CFAP299: variants seen among roughly 807,000 people sequenced by gnomAD.
CFAP299 encodes the protein cilia and flagella associated protein 299.
CFAP299 carries 21 observed loss-of-function variants against 27.0 expected under a neutral mutation model. The ratio of observed to expected loss-of-function variants is 0.78; its 90% CI spans 0.55 to 1.12. The LOEUF (loss-of-function observed/expected upper bound fraction) is 1.12, where lower values mean the gene tolerates loss of function less well. Among genes scored for constraint, CFAP299 ranks in the 50% most tolerant of loss-of-function variants. The probability of loss-of-function intolerance (pLI) is 0.00; values close to 1 mark genes in which losing one functional copy is unlikely to be tolerated. For missense variants in CFAP299, 310 were observed against 276.6 expected, an observed-to-expected ratio of 1.12 and a Z score of -0.86; for synonymous variants, 104 against 98.1, an observed-to-expected ratio of 1.06 and a Z score of -0.36.
chr4:80,489,976 C>A (rs1313335942), intron 2 of CFAP299, among the ~76,000 whole-genome samples: 1 of 152,010 alleles, frequency 6.6e-6, no homozygotes, highest in Non-Finnish European at 1.5e-5. Context: ...TTATAACTCC[C>A]GTGTCAAATT....
intron 3 of CFAP299, among the ~76,000 whole-genome samples, chr4:80,656,565 T>C (rs907812557): frequency 1.3e-5 from 2 of 152,220 alleles, no homozygotes; most frequent in African/African-American, 2.4e-5. Flanking sequence ...TCATCCTTTT[T>C]TATGGCTGCA....
At chr4:80,746,788 A>G (rs1395351701) in intron 3 of CFAP299, among the ~76,000 whole-genome samples, 1 of 152,060 alleles carries the variant, frequency 6.6e-6, no homozygotes, top group Non-Finnish European at 1.5e-5. Context: ...AGTAAGAGAT[A>G]TTATATAATC....
intron 2 of CFAP299, among the ~76,000 whole-genome samples, chr4:80,459,805 A>G (rs992135327): frequency 2.0e-5 from 3 of 152,142 alleles, no homozygotes; most frequent in Non-Finnish European, 2.9e-5. Context: ...TGTGGCTTCC[A>G]AAAGAGCAGG....
rs192605534 is a variant in CFAP299, at chr4:80,499,962, A to C, written c.243-83131A>C. Among the ~76,000 whole-genome samples the C allele has an allele frequency of 4.2e-3, 590 of 141,866 alleles. 1 individual carries two copies. Among genetic ancestry groups the C allele is most frequent in the Middle Eastern group, 0.019 (5 of 268 alleles). 93.1% of individuals were successfully genotyped at this position (141,866 alleles called of 152,430 possible). ...AATTTAGAAACCTACTTATTTTATT[A>C]ACTTCATTTTTTTTTTGTTTGTTTG... On this transcript the variant is annotated intron_variant, in intron 2 of 5. Transcript: ENST00000358105.
intron 2 of CFAP299, among the ~76,000 whole-genome samples, chr4:80,390,747 A>G (rs1316396088): frequency 1.4e-5 from 2 of 141,538 alleles, no homozygotes; most frequent in Non-Finnish European, 3.1e-5. Flanking sequence ...ATATATGTAT[A>G]TATACACACA....
At chr4:80,344,675 C>A (rs748486563) in intron 1 of CFAP299, among the ~76,000 whole-genome samples, 2 of 152,122 alleles carry the variant, frequency 1.3e-5, no homozygotes, top group Non-Finnish European at 2.9e-5. Context: ...CATAACTTGG[C>A]AGATATACAA....
chr4:80,758,435 T>A (rs967466658), intron 3 of CFAP299, among the ~76,000 whole-genome samples: 6 of 152,074 alleles, frequency 3.9e-5, no homozygotes, highest in Non-Finnish European at 8.8e-5. Flanking sequence ...TGGGATTTTA[T>A]GGGCATAGGA....
chr4:80,498,108 T>C (rs1578518176), intron 2 of CFAP299, among the ~76,000 whole-genome samples: 1 of 152,152 alleles, frequency 6.6e-6, no homozygotes, highest in South Asian at 2.1e-4. Flanking sequence ...GATGGATTAA[T>C]GACTTAAATG....
chr4:80,941,008 A>G (rs1005159042), intron 4 of CFAP299, among the ~76,000 whole-genome samples: 2 of 152,196 alleles, frequency 1.3e-5, no homozygotes, highest in Non-Finnish European at 2.9e-5. Flanking sequence ...AGGGCCTCCC[A>G]TAGGTAGCAA....
At chr4:80,571,301 A>T (rs1330788476) in intron 2 of CFAP299, among the ~76,000 whole-genome samples, 1 of 152,070 alleles carries the variant, frequency 6.6e-6, no homozygotes, top group East Asian at 1.9e-4. Context: ...CTTTGCGGCA[A>T]GTTTCCTTGG....
intron 2 of CFAP299, among the ~76,000 whole-genome samples, chr4:80,483,440 ATTC>A (rs1296130565): frequency 6.6e-6 from 1 of 152,132 alleles, no homozygotes; most frequent in Non-Finnish European, 1.5e-5. Context: ...CTTATTTTTC[ATTC>A]TTATCATTGG....
intron 3 of CFAP299, among the ~76,000 whole-genome samples, chr4:80,715,181 C>A (rs1722408165): frequency 1.3e-5 from 2 of 152,066 alleles, no homozygotes; most frequent in Non-Finnish European, 2.9e-5. Context: ...ATGTTCTGAT[C>A]AATCCAAATT....
rs1003772728 is a variant in CFAP299 at position 80,524,841 on chromosome 4, C to T, written c.243-58252C>T. On this transcript the variant is annotated intron_variant, in intron 2 of 5. Coordinates refer to ENST00000358105, the MANE Select transcript of CFAP299 (RefSeq NM_152770.3). ...GTTTCTGTTGTCAGGATTCTGGGCA[C>T]AACTTAGCTGGTTCTCCTGCTGGTT... Among the ~76,000 whole-genome samples the T allele has an allele frequency of 5.3e-5, 8 of 152,256 alleles. 1 individual carries two copies. Among genetic ancestry groups the T allele is most frequent in the Admixed American group, 6.5e-5 (1 of 15,286 alleles).
rs553927361 is a variant in CFAP299 at position 80,849,214 on chromosome 4, T to G, written c.334-20779T>G. Among the ~76,000 whole-genome samples the G allele has an allele frequency of 8.5e-5, 13 of 152,274 alleles. No homozygotes were observed. The South Asian group carries it at 2.7e-3, about 32-fold the overall frequency. Reference sequence around the variant, plus strand: ...TTCTTTACTTTTTAAACTTTGTTGTTAAAAACTAACACAAAACTAGCCTAC... The same window carrying G: ...TTCTTTACTTTTTAAACTTTGTTGTGAAAAACTAACACAAAACTAGCCTAC... On this transcript the variant is annotated intron_variant, in intron 3 of 5. Transcript: ENST00000358105.
chr4:80,664,226 T>C (rs1018124807), intron 3 of CFAP299, among the ~76,000 whole-genome samples: 1 of 152,096 alleles, frequency 6.6e-6, no homozygotes, highest in African/African-American at 2.4e-5. Flanking sequence ...GGAGTTTTTT[T>C]ATACCCACTT....
At chr4:80,834,792 GTGCTTGTCATCGGTACT>G (rs1319898889) in intron 3 of CFAP299, among the ~76,000 whole-genome samples, 19 of 152,244 alleles carry the variant, frequency 1.2e-4, no homozygotes, top group Non-Finnish European at 2.2e-4. Flanking sequence ...GTTGAGCTGG[GTGCTTGTCATCGGTACT>G]TGGATGAAGG....
At chr4:80,630,715 T>TGTGG (rs1326265752) in intron 3 of CFAP299, among the ~76,000 whole-genome samples, 25 of 152,084 alleles carry the variant, frequency 1.6e-4, no homozygotes, top group Non-Finnish European at 2.9e-5. Context: ...ATGATCCACA[T>TGTGG]ATTATCGAGT....
intron 2 of CFAP299, among the ~76,000 whole-genome samples, chr4:80,416,907 T>C (rs6834355): frequency 0.015 from 2,352 of 152,266 alleles, 62 homozygotes; most frequent in African/African-American, 0.053. Flanking sequence ...TTGGATCTCA[T>C]GCAAGAAATA....
At chr4:80,800,497 TAATATATTATATAA>T (rs1728440953) in intron 3 of CFAP299, among the ~76,000 whole-genome samples, 1 of 6,154 alleles carries the variant, frequency 1.6e-4, no homozygotes, top group South Asian at 0.021. Context: ...ATATAATATA[TAATATATTATATAA>T]TATATAATAT....
Sources: gnomAD v4.1 joint callset for allele counts (sites outside exome capture counted in the v4.1 genomes callset) on GRCh38, gnomAD v4.1.1 for gene constraint, MANE v1.5 for transcripts, NCBI Gene and HGNC (gene_info 2026-07-23, HGNC 2026-07-21) for gene names.